Variants in ADAMTS12 observed in about 807,000 individuals in gnomAD.
ADAMTS12 encodes the protein ADAM metallopeptidase with thrombospondin type 1 motif 12, also known as A disintegrin and metalloproteinase with thrombospondin motifs 12.
ADAMTS12 carries 118 observed loss-of-function variants against 167.8 expected under a neutral mutation model. The observed-to-expected ratio is 0.70, with a 90% CI of 0.61 to 0.82. The LOEUF is 0.82. Among genes scored for constraint, ADAMTS12 ranks in the 40% least tolerant of loss-of-function variants. The pLI, the probability that ADAMTS12 is intolerant of heterozygous loss-of-function variation, is 0.00. For synonymous variants in ADAMTS12, 704 were observed against 716.9 expected (o/e 0.98, Z 0.29); for missense variants, 1,916 against 1,998.8 (o/e 0.96, Z 0.79).
At chr5:33,532,157 T>A (rs1425879006) in intron 23 of ADAMTS12, among the ~76,000 whole-genome samples, 1 of 152,226 alleles carries the variant, frequency 6.6e-6, no homozygotes, top group Non-Finnish European at 1.5e-5. Flanking sequence ...GGGACAGTTA[T>A]ATGCCTGTAT....
chr5:33,540,087 A>C (rs1025014038), intron 22 of ADAMTS12, among the ~76,000 whole-genome samples: 10 of 152,228 alleles, frequency 6.6e-5, no homozygotes, highest in African/African-American at 2.4e-4. Context: ...ACCTGGAAAA[A>C]TGGGATACTC....
rs1744467881 is a variant in ADAMTS12, at chr5:33,738,928, A to T, written c.634+12476T>A. ...AATTTAGCAGTAGTAATTCCCTAAG[A>T]AATGCAGCCAGGGTGCTGGTCAGCT... On this transcript the variant is annotated intron_variant, in intron 3 of 23. Coordinates refer to ENST00000504830, the MANE Select transcript of ADAMTS12 (RefSeq NM_030955.4). Among the ~76,000 whole-genome samples, 4 of 152,182 alleles carry T rather than the reference A, an allele frequency of 2.6e-5. 1 individual carries two copies. In the South Asian group the frequency reaches 8.3e-4, roughly 32 times the overall value.
At chr5:33,817,326 C>T (rs1747698577) in intron 2 of ADAMTS12, among the ~76,000 whole-genome samples, 1 of 152,102 alleles carries the variant, frequency 6.6e-6, no homozygotes, top group African/African-American at 2.4e-5. Context: ...TCATTCATAC[C>T]TGCAATTTAT....
At chr5:33,886,774 G>A (rs1750652419) in intron 1 of ADAMTS12, among the ~76,000 whole-genome samples, 1 of 152,052 alleles carries the variant, frequency 6.6e-6, no homozygotes, top group African/African-American at 2.4e-5. Flanking sequence ...GATGGAAATC[G>A]GGGGTCACTT....
intron 2 of ADAMTS12, among the ~76,000 whole-genome samples, chr5:33,825,960 T>C (rs1748049930): frequency 6.6e-6 from 1 of 152,166 alleles, no homozygotes; most frequent in Non-Finnish European, 1.5e-5. Flanking sequence ...CCTCTGCAAA[T>C]TGAATTTAGA....
At chr5:33,815,188 C>A (rs1405209179) in intron 2 of ADAMTS12, among the ~76,000 whole-genome samples, 1 of 152,204 alleles carries the variant, frequency 6.6e-6, no homozygotes, top group Non-Finnish European at 1.5e-5. Context: ...TTCCCTTGCA[C>A]CCTCTGGGTC....
rs371216060 is a variant in ADAMTS12, at chr5:33,595,916, G to T, written c.2654+18C>A. 4 of 1,613,678 alleles carry T rather than the reference G, an allele frequency of 2.5e-6. No homozygotes were observed. The African/African-American group carries it at 5.3e-5, about 22-fold the overall frequency. ...CTGTAGGCAGACACACAGAGCTCCAGCTGTTAGCGATGGTTACCTGGGTGG... is the reference window on the plus strand; with the variant it reads ...CTGTAGGCAGACACACAGAGCTCCATCTGTTAGCGATGGTTACCTGGGTGG... On this transcript the variant is annotated intron_variant, in intron 17 of 23. Transcript: ENST00000504830.
chr5:33,856,641 G>A (rs1262469631), intron 2 of ADAMTS12, among the ~76,000 whole-genome samples: 2 of 151,406 alleles, frequency 1.3e-5, no homozygotes, highest in Middle Eastern at 3.2e-3. Flanking sequence ...TAGCAAATAC[G>A]TATATGAAAA....
intron 11 of ADAMTS12, among the ~76,000 whole-genome samples, chr5:33,639,114 A>G (rs185151766): frequency 2.7e-4 from 41 of 152,330 alleles, no homozygotes; most frequent in Admixed American, 8.5e-4. Context: ...AATGAGCATA[A>G]TAGTTTTTAT....
chr5:33,557,279 A>G (rs1169315576), intron 20 of ADAMTS12, among the ~76,000 whole-genome samples: 1 of 152,072 alleles, frequency 6.6e-6, no homozygotes, highest in Non-Finnish European at 1.5e-5. Flanking sequence ...TAAAATTAGA[A>G]TTTTTCTTTC....
At chr5:33,589,133 G>A (rs1019006225) in intron 17 of ADAMTS12, among the ~76,000 whole-genome samples, 9 of 152,152 alleles carry the variant, frequency 5.9e-5, no homozygotes, top group African/African-American at 1.4e-4. Context: ...TTTAAGCCTC[G>A]CTTTCTCATT....
At chr5:33,663,389 T>A (rs1204398227) in intron 5 of ADAMTS12, among the ~76,000 whole-genome samples, 1 of 150,546 alleles carries the variant, frequency 6.6e-6, no homozygotes, top group Non-Finnish European at 1.5e-5. Flanking sequence ...ACTGGTCAGG[T>A]GGCATGAATC....
intron 2 of ADAMTS12, among the ~76,000 whole-genome samples, chr5:33,839,731 T>C (rs1199398330): frequency 3.3e-5 from 5 of 152,188 alleles, no homozygotes; most frequent in African/African-American, 1.2e-4. Flanking sequence ...CACCGTGCCC[T>C]GCCCACTCAA....
intron 2 of ADAMTS12, among the ~76,000 whole-genome samples, chr5:33,825,835 G>A (rs145709514): frequency 6.6e-5 from 10 of 152,278 alleles, no homozygotes; most frequent in East Asian, 3.9e-4. Context: ...CAACTCCTCC[G>A]TGGAGACCTT....
At chr5:33,872,919 G>A (rs1750094356) in intron 2 of ADAMTS12, among the ~76,000 whole-genome samples, 1 of 152,116 alleles carries the variant, frequency 6.6e-6, no homozygotes, top group Non-Finnish European at 1.5e-5. Context: ...AAATATCTCA[G>A]TAAAATAGGA....
chr5:33,782,923 A>G (rs1375546529), intron 2 of ADAMTS12, among the ~76,000 whole-genome samples: 2 of 152,088 alleles, frequency 1.3e-5, no homozygotes, highest in East Asian at 1.9e-4. Context: ...AATGCTATCA[A>G]CTTGACCTTA....
intron 13 of ADAMTS12, among the ~76,000 whole-genome samples, chr5:33,626,339 G>A (rs981767712): frequency 1.3e-5 from 2 of 151,408 alleles, no homozygotes; most frequent in Non-Finnish European, 3.0e-5. Flanking sequence ...TGGTGATGTG[G>A]TAGTAGTGGT....
At chr5:33,727,002 G>A (rs1436591046) in intron 3 of ADAMTS12, among the ~76,000 whole-genome samples, 1 of 152,140 alleles carries the variant, frequency 6.6e-6, no homozygotes, top group African/African-American at 2.4e-5. Flanking sequence ...GGAAACTCCT[G>A]GGTGAATCAA....
chr5:33,822,071 T>A (rs1307276817), intron 2 of ADAMTS12, among the ~76,000 whole-genome samples: 1 of 152,174 alleles, frequency 6.6e-6, no homozygotes, highest in East Asian at 1.9e-4. Flanking sequence ...ATAACTACTA[T>A]ATTTTTCCCT....
Sources: gnomAD v4.1 joint callset for allele counts (sites outside exome capture counted in the v4.1 genomes callset) on GRCh38, gnomAD v4.1.1 for gene constraint, MANE v1.5 for transcripts, NCBI Gene and HGNC (gene_info 2026-07-23, HGNC 2026-07-21) for gene names.